The following DCDC2 variants were observed in gnomAD, a reference collection of about 807,000 sequenced individuals.
DCDC2 encodes the protein doublecortin domain-containing protein 2.
A neutral mutation model predicts 50.2 loss-of-function variants in DCDC2; 40 were observed. That is an observed-to-expected ratio of 0.80 (90% CI 0.62 to 1.04). DCDC2 has a LOEUF of 1.04. DCDC2 is among the 50% of genes least tolerant of loss of function. The pLI is 0.00. For missense variants in DCDC2, 570 were observed against 581.9 expected (o/e 0.98, Z 0.21); for synonymous variants, 234 against 210.6 (o/e 1.11, Z -0.96).
chr6:24,185,453 C>T (rs34851839), intron 8 of DCDC2, among the ~76,000 whole-genome samples: 2,265 of 152,156 alleles, frequency 0.015, 24 homozygotes, highest in Admixed American at 0.026. Context: ...GGCTTATAAA[C>T]CTTTAAAATA....
intron 7 of DCDC2, among the ~76,000 whole-genome samples, chr6:24,236,837 C>A (rs1437148073): frequency 6.6e-6 from 1 of 152,038 alleles, no homozygotes; most frequent in Admixed American, 6.6e-5. Flanking sequence ...TGGTAAAACC[C>A]CATCTCTACT....
At chr6:24,376,231 A>G in the DCDC2 span, among the ~76,000 whole-genome samples, 1 of 152,202 alleles carries the variant, frequency 6.6e-6, no homozygotes, top group Non-Finnish European at 1.5e-5. Flanking sequence ...TACGTATTCA[A>G]TATAAATTCT....
chr6:24,294,168 G>A (rs941110880), intron 4 of DCDC2, among the ~76,000 whole-genome samples: 8 of 152,068 alleles, frequency 5.3e-5, no homozygotes, highest in African/African-American at 1.9e-4. Flanking sequence ...GCCAGCCTGG[G>A]CAACATAGTG....
At chr6:24,364,554 T>C in the DCDC2 span, among the ~76,000 whole-genome samples, 1 of 152,216 alleles carries the variant, frequency 6.6e-6, no homozygotes, top group Non-Finnish European at 1.5e-5. Context: ...GGAAAAGGAT[T>C]GTGTTCATTT....
intron 7 of DCDC2, among the ~76,000 whole-genome samples, chr6:24,245,725 A>G (rs1469073589): frequency 6.6e-6 from 1 of 152,230 alleles, no homozygotes; most frequent in Non-Finnish European, 1.5e-5. Flanking sequence ...AGAACAGTAG[A>G]AAGAACAATT....
intron 6 of DCDC2, among the ~76,000 whole-genome samples, chr6:24,279,987 A>G (rs1763436989): frequency 6.6e-6 from 1 of 152,238 alleles, no homozygotes; most frequent in East Asian, 1.9e-4. Context: ...TATCAAACTC[A>G]CACCGTATTG....
intron 2 of DCDC2, among the ~76,000 whole-genome samples, chr6:24,325,798 A>G (rs1450627337): frequency 1.3e-5 from 2 of 149,272 alleles, no homozygotes; most frequent in Non-Finnish European, 3.0e-5. Context: ...TGTTTTAAAA[A>G]TATATATATT....
chr6:24,349,395 G>A (rs1181990890), intron 2 of DCDC2, among the ~76,000 whole-genome samples: 2 of 152,152 alleles, frequency 1.3e-5, no homozygotes, highest in Non-Finnish European at 2.9e-5. Context: ...TCAATAACAT[G>A]GAAGCAGAGA....
chr6:24,366,920 A>G, the DCDC2 span, among the ~76,000 whole-genome samples: 2 of 151,952 alleles, frequency 1.3e-5, no homozygotes, highest in African/African-American at 4.8e-5. Flanking sequence ...GCTCACTGCA[A>G]CTTCTAGGCT....
At chr6:24,285,116 C>T (rs927832126) in intron 6 of DCDC2, among the ~76,000 whole-genome samples, 2 of 152,082 alleles carry the variant, frequency 1.3e-5, no homozygotes, top group African/African-American at 2.4e-5. Flanking sequence ...TACCACTATA[C>T]GCTCAGTGCC....
At chr6:24,247,308 G>GAT (rs1322139866) in intron 7 of DCDC2, among the ~76,000 whole-genome samples, 5 of 151,020 alleles carry the variant, frequency 3.3e-5, no homozygotes, top group Middle Eastern at 3.5e-3. Context: ...TGTTTTCTTG[G>GAT]ATATATATAT....
At position 24,174,179 on chromosome 6, in the gene DCDC2, A is replaced by T. The variant is rs1256479799; in HGVS notation, c.*551T>A. The T allele has an allele frequency of 6.5e-6, 1 of 152,746 alleles. No individual in the cohort carries two copies. The highest frequency in any genetic ancestry group is 1.5e-5 in the Non-Finnish European group (1 of 68,142). 9.5% of individuals were successfully genotyped at this position (152,746 alleles called of 1,614,324 possible). A position where few individuals can be genotyped will look rare whatever the true frequency, so the allele number is the denominator to read the frequency against. On this transcript the variant is annotated 3_prime_UTR_variant, in exon 10 of 10. Transcript: ENST00000378454. ...AATGAACGCCTTGCTCTGTCTTTGT[A>T]GTTCAAAGGTGGATTTTGGCTAAGG...
chr6:24,244,567 C>G (rs1044971656), intron 7 of DCDC2, among the ~76,000 whole-genome samples: 3 of 152,242 alleles, frequency 2.0e-5, no homozygotes, highest in East Asian at 3.8e-4. Flanking sequence ...AAGGGAAGAA[C>G]TGCCCTTGGG....
At chr6:24,210,044 GTGTGTGTGTGTC>G (rs960504219) in intron 7 of DCDC2, among the ~76,000 whole-genome samples, 9 of 146,256 alleles carry the variant, frequency 6.2e-5, no homozygotes, top group East Asian at 4.0e-4. Context: ...GTGTGTGTGT[GTGTGTGTGTGTC>G]TGTCTGTCTG....
intron 2 of DCDC2, among the ~76,000 whole-genome samples, chr6:24,305,527 A>G (rs1267163130): frequency 1.3e-5 from 2 of 152,216 alleles, no homozygotes; most frequent in Non-Finnish European, 2.9e-5. Flanking sequence ...CATTTTAAGT[A>G]ATAAACAACA....
At chr6:24,348,209 G>T (rs1760303153) in intron 2 of DCDC2, among the ~76,000 whole-genome samples, 1 of 152,180 alleles carries the variant, frequency 6.6e-6, no homozygotes. Flanking sequence ...GTAGGGTTTG[G>T]AATCTCATTG....
At chr6:24,258,340 A>T (rs1414018361) in intron 7 of DCDC2, among the ~76,000 whole-genome samples, 1 of 152,150 alleles carries the variant, frequency 6.6e-6, no homozygotes, top group African/African-American at 2.4e-5. Flanking sequence ...GATCCATTTT[A>T]CAGAGCACTG....
At chr6:24,358,842 T>TAG (rs1760546211), upstream of DCDC2, among the ~76,000 whole-genome samples, 1 of 26,018 alleles carries the variant, frequency 3.8e-5, no homozygotes, top group Non-Finnish European at 5.9e-5. Context: ...TATATATATA[T>TAG]TTATATATTA....
At chr6:24,239,489 T>TA (rs1581605299) in intron 7 of DCDC2, among the ~76,000 whole-genome samples, 1 of 152,220 alleles carries the variant, frequency 6.6e-6, no homozygotes. Flanking sequence ...TTTCTTCTGG[T>TA]AACAAGCACT....
Sources: allele counts gnomAD v4.1 joint callset (sites outside exome capture counted in the v4.1 genomes callset), GRCh38; gene constraint gnomAD v4.1.1; transcripts MANE v1.5; gene names NCBI Gene and HGNC (gene_info 2026-07-23, HGNC 2026-07-21).